ATG13: variants seen among roughly 807,000 people sequenced by gnomAD.
ATG13 encodes autophagy related 13.
ATG13 carries 23 observed loss-of-function variants against 65.5 expected under a neutral mutation model. The observed-to-expected ratio is 0.35, with a 90% CI of 0.25 to 0.50. The LOEUF (loss-of-function observed/expected upper bound fraction) is 0.50, where lower values mean the gene tolerates loss of function less well. ATG13 is among the 20% of genes least tolerant of loss of function. ATG13 has a pLI of 0.98. For synonymous variants in ATG13, 252 were observed against 245.2 expected, an observed-to-expected ratio of 1.03 and a Z score of -0.26; for missense variants, 566 against 677.0, an observed-to-expected ratio of 0.84 and a Z score of 1.82.
chr11:46,626,673 A>G (rs187102078), intron 1 of ATG13, among the ~76,000 whole-genome samples: 77 of 152,256 alleles, frequency 5.1e-4, no homozygotes, highest in African/African-American at 1.7e-3. Context: ...GATTGTGTAA[A>G]TATCTCATTT....
chr11:46,648,339 A>G (rs529807037), intron 5 of ATG13, among the ~76,000 whole-genome samples: 1 of 152,282 alleles, frequency 6.6e-6, no homozygotes, highest in Non-Finnish European at 1.5e-5. Context: ...AGCAATTGTA[A>G]TTCTGAAAAT....
chr11:46,636,605 A>G (rs1456542261), intron 2 of ATG13, among the ~76,000 whole-genome samples: 1 of 144,044 alleles, frequency 6.9e-6, no homozygotes, highest in African/African-American at 2.5e-5. Context: ...TATATACTGT[A>G]TGATTTAATC....
In ATG13 at chr11:46,631,748, A is replaced by G. The variant is rs568566602; in HGVS notation, c.-14+1648A>G. ...TAAAAAATTAGTTGGGTGTAGTGAC[A>G]TATACCTGTGGTCTCAGCTACTTGA... is the stretch of plus-strand genomic sequence containing the variant. On this transcript the variant is annotated intron_variant, in intron 2 of 18. Transcript: ENST00000683050. Among the ~76,000 whole-genome samples the G allele has an allele frequency of 8.5e-5, 13 of 152,160 alleles. No individual in the cohort carries two copies. The South Asian group carries it at 1.7e-3, about 19-fold the overall frequency.
At chr11:46,655,764 G>T (rs562279196) in intron 7 of ATG13, among the ~76,000 whole-genome samples, 1 of 152,054 alleles carries the variant, frequency 6.6e-6, no homozygotes, top group East Asian at 1.9e-4. Context: ...TTGAGACAGC[G>T]TCTCATCCTT....
At chr11:46,665,055 A>G in intron 13 of ATG13, 96 bp downstream of exon 13, 1 of 1,223,592 alleles carries the variant, frequency 8.2e-7, no homozygotes, top group East Asian at 2.3e-5. Context: ...GATATGTTCT[A>G]AGTGCTATAT....
rs1479904088 is a variant in ATG13 at position 46,643,166 on chromosome 11, C to CA, written c.-13-1112dup. On this transcript the variant is annotated intron_variant, in intron 2 of 18. Transcript: ENST00000683050. ...TCCAGGCCCAAAACCAGAGGTCTCT[C>CA]AGACATTTGTTTCAAACGGCTGATT... 2.0e-5 allele frequency among the ~76,000 whole-genome samples: 3 copies of CA among 152,158 alleles called. No individual in the cohort carries two copies. The East Asian group carries it at 5.8e-4, about 29-fold the overall frequency.
At chr11:46,649,011 G>A (rs992775197) in intron 5 of ATG13, 126 bp from the exon 6 acceptor site, 9 of 717,208 alleles carry the variant, frequency 1.3e-5, no homozygotes, top group East Asian at 8.8e-5. Flanking sequence ...AGGCTTGTTC[G>A]ATTATAAGTT....
intron 7 of ATG13, among the ~76,000 whole-genome samples, chr11:46,654,304 T>C: frequency 7.0e-6 from 1 of 143,800 alleles, no homozygotes; most frequent in South Asian, 2.2e-4. Context: ...TATATATATA[T>C]ATATATGTAA....
At chr11:46,655,688 T>C (rs2059906279) in intron 7 of ATG13, among the ~76,000 whole-genome samples, 1 of 152,248 alleles carries the variant, frequency 6.6e-6, no homozygotes, top group Non-Finnish European at 1.5e-5. Flanking sequence ...AAATACATTT[T>C]AGTAGCAGAG....
chr11:46,636,553 G>T (rs919440119), intron 2 of ATG13, among the ~76,000 whole-genome samples: 1 of 103,452 alleles, frequency 9.7e-6, no homozygotes, highest in South Asian at 3.4e-4. Flanking sequence ...GCGAGACTCC[G>T]TCTCAAAAAA....
rs1459851328 is a variant in ATG13, at chr11:46,657,314, A to G, written c.596+123A>G. On this transcript the variant is annotated intron_variant, in intron 9 of 18. Coordinates refer to ENST00000683050, the MANE Select transcript of ATG13 (RefSeq NM_001346311.2). ...GAAAGCAGTACCTTCAGAAGAATAA[A>G]GAGAGAGTGCAGTTGCCAGATTGGA... The G allele has an allele frequency of 6.8e-6, 7 of 1,025,204 alleles. No homozygotes were observed. In the African/African-American group the frequency reaches 1.1e-4, roughly 16 times the overall value. 63.5% of individuals were successfully genotyped at this position (1,025,204 alleles called of 1,614,324 possible).
chr11:46,650,183 T>C lies in ATG13; in HGVS notation c.324T>C (p.Asp108=), dbSNP rs1555097097. 6.2e-7 allele frequency: 1 copy of C among 1,613,772 alleles called. No homozygotes were observed. The highest frequency in any genetic ancestry group is 1.1e-5 in the South Asian group (1 of 91,064). The change falls in exon 7 of 19, where the codon GAT becomes GAC. Residue 108 remains aspartate (D), a synonymous_variant. Transcript: ENST00000683050. ...ATATCTTTGTGCCTGGCAGGTGTGA[T>C]AAAGAAATCAAAGTTTCCTACACGG... The part of the protein sequence containing the change: ...IWCLEMNEKC[D]KEIKVSYTVY...
At chr11:46,629,554 G>A (rs1591532223) in intron 1 of ATG13, among the ~76,000 whole-genome samples, 3 of 151,698 alleles carry the variant, frequency 2.0e-5, no homozygotes, top group Non-Finnish European at 4.4e-5. Flanking sequence ...CCGCCATCAC[G>A]CCCGGCTAAT....
At chr11:46,619,915 C>A (rs1301406842) in intron 1 of ATG13, among the ~76,000 whole-genome samples, 1 of 150,470 alleles carries the variant, frequency 6.6e-6, no homozygotes. Flanking sequence ...TGTAATCCCA[C>A]CTACTCGGGT....
Position 46,669,421 on chromosome 11 carries a change from AG to A in ATG13, c.1465del (p.Asp489MetfsTer21), listed in dbSNP as rs2134277340. On this transcript the variant is annotated frameshift_variant, in exon 18 of 19. Coordinates refer to ENST00000683050, the MANE Select transcript of ATG13 (RefSeq NM_001346311.2). LOFTEE classifies it high-confidence loss of function. ...TTTTGAAGAAACCAGCTTTTTCTAA[AG>A]ATGACATTCTTCCGATGGACCTGGG... ...MIDFKPAFSK[D>X]DILPMDLGTF... 6.2e-7 allele frequency: 1 copy of A among 1,614,170 alleles called. No homozygotes were observed. Among genetic ancestry groups the A allele is most frequent in the South Asian group, 1.1e-5 (1 of 91,082 alleles).
rs1311032423 is a variant in ATG13 at position 46,672,882 on chromosome 11, A to ATTTCTCATAT, written c.*551_*552insTTCTCATATT. ...TCCTCTTCTTCTCTCTCTTGCCTCT[A>ATTTCTCATAT]TGCCTGTATTTCTGGCAATATGACA... On this transcript the variant is annotated 3_prime_UTR_variant, in exon 19 of 19. Transcript: ENST00000683050. 1.4e-5 allele frequency: 15 copies of ATTTCTCATAT among 1,074,962 alleles called. No individual in the cohort carries two copies. In the South Asian group the frequency reaches 1.7e-4, roughly 12 times the overall value. The allele number at this position is 1,074,962 out of a possible 1,614,324, so 66.6% of individuals were successfully genotyped here.
Position 46,672,915 on chromosome 11 carries a change from C to CTACCCAAGATCAGAACTCCA in ATG13, c.*584_*603dup, listed in dbSNP as rs1294888900. 7 of 881,508 alleles carry CTACCCAAGATCAGAACTCCA rather than the reference C, an allele frequency of 7.9e-6. No homozygotes were observed. The African/African-American group carries it at 1.2e-4, about 16-fold the overall frequency. The allele number at this position is 881,508 out of a possible 1,614,324, so 54.6% of individuals were successfully genotyped here. Reference sequence around the variant, plus strand: ...ATTTCTGGCAATATGACAGGCCTGCCTACCCAAGATCAGAACTCCAAAACC... The same window carrying CTACCCAAGATCAGAACTCCA: ...ATTTCTGGCAATATGACAGGCCTGCCTACCCAAGATCAGAACTCCATACCCAAGATCAGAACTCCAAAACC... On this transcript the variant is annotated 3_prime_UTR_variant, in exon 19 of 19. Transcript: ENST00000683050.
At chr11:46,635,523 A>G (rs1407034628) in intron 2 of ATG13, among the ~76,000 whole-genome samples, 1 of 152,156 alleles carries the variant, frequency 6.6e-6, no homozygotes, top group Non-Finnish European at 1.5e-5. Flanking sequence ...TAGTAACTGG[A>G]TAGTTAATAG....
intron 1 of ATG13, among the ~76,000 whole-genome samples, chr11:46,624,490 T>G (rs1273608825): frequency 2.0e-5 from 3 of 147,326 alleles, no homozygotes; most frequent in Admixed American, 6.8e-5. Context: ...ATCTTCAGAT[T>G]TTTTTTTTTT....
Sources: gnomAD v4.1 joint callset for allele counts (sites outside exome capture counted in the v4.1 genomes callset) on GRCh38, gnomAD v4.1.1 for gene constraint, MANE v1.5 for transcripts, NCBI Gene and HGNC (gene_info 2026-07-23, HGNC 2026-07-21) for gene names.